Variants in ZFAT observed in about 807,000 individuals in gnomAD.
The protein encoded by ZFAT is zinc finger and AT-hook domain containing.
A neutral mutation model predicts 117.7 loss-of-function variants in ZFAT; 64 were observed. That is an observed-to-expected ratio of 0.54 (90% CI 0.44 to 0.67). The LOEUF (loss-of-function observed/expected upper bound fraction) is 0.67, where lower values mean the gene tolerates loss of function less well. ZFAT is among the 30% of genes least tolerant of loss of function. The pLI, the probability that ZFAT is intolerant of heterozygous loss-of-function variation, is 0.00. For synonymous variants in ZFAT, 679 were observed against 615.0 expected (o/e 1.10, Z -1.54); for missense variants, 1,433 against 1,584.5 (o/e 0.90, Z 1.62).
rs1827628780 is a variant in ZFAT, at chr8:134,602,994, C to G, written c.786-61G>C. 2.3e-5 allele frequency: 35 copies of G among 1,539,586 alleles called. No individual in the cohort carries two copies. The South Asian group carries it at 3.9e-4, about 17-fold the overall frequency. The stretch of plus-strand genomic sequence containing the variant: ...CCTTGAATGTTCCTCATGAACTCTA[C>G]ATCCTTTTCATGAACCAAACACTAA... On this transcript the variant is annotated intron_variant, in intron 5 of 15. Coordinates refer to ENST00000377838, the MANE Select transcript of ZFAT (RefSeq NM_020863.4).
chr8:134,498,792 CG>C (rs529652816), intron 15 of ZFAT, among the ~76,000 whole-genome samples: 1 of 33,506 alleles, frequency 3.0e-5, no homozygotes, highest in African/African-American at 1.2e-4. Flanking sequence ...TTGGTAGGGT[CG>C]GGGTGGAGCT....
chr8:134,704,762 T>C (rs1834103482), intron 1 of ZFAT, among the ~76,000 whole-genome samples: 1 of 152,148 alleles, frequency 6.6e-6, no homozygotes, highest in Non-Finnish European at 1.5e-5. Context: ...GAAAAGGTTC[T>C]TCTAACAAAT....
At chr8:134,583,402 G>A (rs1396252933) in intron 10 of ZFAT, among the ~76,000 whole-genome samples, 2 of 152,168 alleles carry the variant, frequency 1.3e-5, no homozygotes, top group East Asian at 1.9e-4. Flanking sequence ...TTTAGACTTG[G>A]TTCCACCACT....
At chr8:134,632,245 C>G (rs763540774) in intron 3 of ZFAT, among the ~76,000 whole-genome samples, 21 of 152,196 alleles carry the variant, frequency 1.4e-4, no homozygotes, top group Non-Finnish European at 2.8e-4. Flanking sequence ...AACATATTCT[C>G]TCTTCCTTAT....
intron 3 of ZFAT, among the ~76,000 whole-genome samples, chr8:134,611,351 T>C (rs1200311014): frequency 1.3e-5 from 2 of 152,188 alleles, no homozygotes; most frequent in African/African-American, 2.4e-5. Flanking sequence ...GTGGAAACAA[T>C]GGTGTTCCAA....
intron 15 of ZFAT, among the ~76,000 whole-genome samples, chr8:134,506,880 T>C (rs1819455742): frequency 6.6e-6 from 1 of 152,252 alleles, no homozygotes; most frequent in African/African-American, 2.4e-5. Flanking sequence ...ATCTGAAACA[T>C]TGTTCTGCGA....
the ZFAT span, among the ~76,000 whole-genome samples, chr8:134,741,102 A>G: frequency 6.6e-6 from 1 of 152,152 alleles, no homozygotes; most frequent in African/African-American, 2.4e-5. Flanking sequence ...TTAAATTCAG[A>G]GCCCCTCCAC....
intron 11 of ZFAT, among the ~76,000 whole-genome samples, chr8:134,540,496 T>G (rs1822171856): frequency 6.6e-6 from 1 of 152,232 alleles, no homozygotes; most frequent in Non-Finnish European, 1.5e-5. Flanking sequence ...AGAGAAGCTC[T>G]TCTCTTCATG....
At chr8:134,678,050 C>T (rs1322206067) in intron 1 of ZFAT, among the ~76,000 whole-genome samples, 1 of 152,124 alleles carries the variant, frequency 6.6e-6, no homozygotes, top group African/African-American at 2.4e-5. Context: ...GACAAGGATG[C>T]CCTCTCTCAC....
intron 2 of ZFAT, among the ~76,000 whole-genome samples, chr8:134,653,423 T>TTTA (rs1563730407): frequency 7.5e-6 from 1 of 133,750 alleles, no homozygotes; most frequent in Non-Finnish European, 1.6e-5. Flanking sequence ...TTATCTGTTT[T>TTTA]TTTTTTTTTT....
At chr8:134,819,496 A>ACCTCC in the ZFAT span, among the ~76,000 whole-genome samples, 1 of 39,334 alleles carries the variant, frequency 2.5e-5, no homozygotes, top group African/African-American at 9.2e-5. Flanking sequence ...CGGATTTACC[A>ACCTCC]CCCCCCCCCC....
At chr8:134,822,417 A>C in the ZFAT span, among the ~76,000 whole-genome samples, 1 of 152,170 alleles carries the variant, frequency 6.6e-6, no homozygotes, top group Non-Finnish European at 1.5e-5. Context: ...GTAGGTCATA[A>C]GTAATAAAGA....
chr8:134,667,505 A>C (rs1188806086), intron 1 of ZFAT, among the ~76,000 whole-genome samples: 1 of 138,094 alleles, frequency 7.2e-6, no homozygotes, highest in Non-Finnish European at 1.6e-5. Flanking sequence ...AAAAAAAAAA[A>C]AAAAAAACAT....
chr8:134,572,913 T>C (rs2130803541), intron 10 of ZFAT, among the ~76,000 whole-genome samples: 1 of 152,164 alleles, frequency 6.6e-6, no homozygotes, highest in East Asian at 1.9e-4. Flanking sequence ...GCCCAGATGG[T>C]AAAATGGTAA....
the ZFAT span, among the ~76,000 whole-genome samples, chr8:134,809,989 G>C: frequency 6.6e-6 from 1 of 152,124 alleles, no homozygotes; most frequent in African/African-American, 2.4e-5. Flanking sequence ...TAGAACAAGA[G>C]AATCTGAGTG....
chr8:134,490,394 C>G (rs1050531175), intron 15 of ZFAT, among the ~76,000 whole-genome samples: 1 of 152,190 alleles, frequency 6.6e-6, no homozygotes, highest in Admixed American at 6.5e-5. Flanking sequence ...GGTTCAACCA[C>G]GAAGAGGACT....
chr8:134,823,091 T>C, the ZFAT span, among the ~76,000 whole-genome samples: 1 of 152,164 alleles, frequency 6.6e-6, no homozygotes, highest in Non-Finnish European at 1.5e-5. Flanking sequence ...TTGTGGACAC[T>C]ACCAACACCT....
At chr8:134,746,054 T>C in the ZFAT span, among the ~76,000 whole-genome samples, 800 of 152,350 alleles carry the variant, frequency 5.3e-3, 3 homozygotes, top group African/African-American at 0.019. Flanking sequence ...CCAGGTTTCA[T>C]TGGCCCTGAG....
chr8:134,813,972 A>ACATTCTTT, the ZFAT span, among the ~76,000 whole-genome samples: 2 of 152,168 alleles, frequency 1.3e-5, no homozygotes, highest in African/African-American at 4.8e-5. Flanking sequence ...GGAGACAAAA[A>ACATTCTTT]GTTAATATCT....
Sources: allele counts gnomAD v4.1 joint callset (sites outside exome capture counted in the v4.1 genomes callset), GRCh38; gene constraint gnomAD v4.1.1; transcripts MANE v1.5; gene names NCBI Gene and HGNC (gene_info 2026-07-23, HGNC 2026-07-21).